Variants in ADAM10 observed in about 807,000 individuals in gnomAD.
ADAM10 encodes the protein ADAM metallopeptidase domain 10, also known as disintegrin and metalloproteinase domain-containing protein 10.
ADAM10 carries 17 observed loss-of-function variants against 90.1 expected under a neutral mutation model. The ratio of observed to expected loss-of-function variants is 0.19; its 90% CI spans 0.13 to 0.28. The LOEUF (loss-of-function observed/expected upper bound fraction) is 0.28. Among genes scored for constraint, ADAM10 ranks in the 10% least tolerant of loss-of-function variants. ADAM10 has a pLI of 1.00. For missense variants in ADAM10, 610 were observed against 914.3 expected (o/e 0.67, Z 4.29); for synonymous variants, 310 against 298.6 (o/e 1.04, Z -0.40).
In ADAM10 at chr15:58,591,300, G is replaced by C. The variant is rs1179100933; in HGVS notation, c.*6247C>G. 1 of 152,084 alleles carries C rather than the reference G, an allele frequency of 6.6e-6. No homozygotes were observed. The highest frequency in any genetic ancestry group is 2.4e-5 in the African/African-American group (1 of 41,396). The allele number at this position is 152,084 out of a possible 1,614,324, so 9.4% of individuals were successfully genotyped here. On this transcript the variant is annotated 3_prime_UTR_variant, in exon 16 of 16. Coordinates refer to ENST00000260408, the MANE Select transcript of ADAM10 (RefSeq NM_001110.4). ...GAATATAATTATGTTAGCTTGACTG[G>C]TTCAAGTTTAATTCCACTAAAACAA... is the stretch of plus-strand genomic sequence containing the variant.
intron 8 of ADAM10, among the ~76,000 whole-genome samples, chr15:58,634,767 T>G (rs1281385765): frequency 6.6e-6 from 1 of 152,208 alleles, no homozygotes; most frequent in African/African-American, 2.4e-5. Context: ...TTACGATAAC[T>G]GCTCTAATTA....
rs34718794 is a variant in ADAM10, at chr15:58,603,876, T to TAA, written c.2026-4154_2026-4153dup. Among the ~76,000 whole-genome samples the TAA allele has an allele frequency of 7.4e-3, 532 of 71,942 alleles. 8 individuals are homozygous for TAA. The highest frequency in any genetic ancestry group is 0.02 in the African/African-American group (366 of 18,720). The allele number at this position is 71,942 out of a possible 152,430, so 47.2% of individuals were successfully genotyped here. A position where few individuals can be genotyped will look rare whatever the true frequency, so the allele number is the denominator to read the frequency against. Reference sequence around the variant, plus strand: ...CCTAGAAAGATTGGGGGTCCAGGGTTAAAAAAAAAAAAAAAAAAAAAAAAG... The same window carrying TAA: ...CCTAGAAAGATTGGGGGTCCAGGGTTAAAAAAAAAAAAAAAAAAAAAAAAAAG... On this transcript the variant is annotated intron_variant, in intron 14 of 15. Coordinates refer to ENST00000260408, the MANE Select transcript of ADAM10 (RefSeq NM_001110.4).
intron 10 of ADAM10, among the ~76,000 whole-genome samples, chr15:58,624,516 AAAC>A (rs1895880544): frequency 6.6e-6 from 1 of 152,186 alleles, no homozygotes; most frequent in African/African-American, 2.4e-5. Flanking sequence ...CTAACAGTTT[AAAC>A]AACAATGAGG....
At position 58,730,848 on chromosome 15, in the gene ADAM10, C is replaced by T. The variant is rs182462115; in HGVS notation, c.56-13121G>A. ...AAGGTGGAGGAAAAGAAAATTCTCC[C>T]TCTCTTTCCCCTCGGGACATCAGGA... On this transcript the variant is annotated intron_variant, in intron 1 of 15. Coordinates refer to ENST00000260408, the MANE Select transcript of ADAM10 (RefSeq NM_001110.4). 3.1e-3 allele frequency among the ~76,000 whole-genome samples: 475 copies of T among 152,320 alleles called. 2 individuals are homozygous for T. Among genetic ancestry groups the T allele is most frequent in the African/African-American group, 0.011 (451 of 41,556 alleles).
At position 58,610,233 on chromosome 15, in the gene ADAM10, C is replaced by G. The variant is rs1595987913; in HGVS notation, c.2025+64G>C. 4 of 1,399,832 alleles carry G rather than the reference C, an allele frequency of 2.9e-6. No homozygotes were observed. The East Asian group carries it at 9.2e-5, about 32-fold the overall frequency. The allele number at this position is 1,399,832 out of a possible 1,614,324, so 86.7% of individuals were successfully genotyped here. ...TGTTTTCTCGTAACTTTGATGACTT[C>G]TGGCCAAGTAAAATTAAGATCAAAC... On this transcript the variant is annotated intron_variant, in intron 14 of 15. Coordinates refer to ENST00000260408, the MANE Select transcript of ADAM10 (RefSeq NM_001110.4).
chr15:58,657,744 T>G (rs1348284014), intron 5 of ADAM10, among the ~76,000 whole-genome samples: 7 of 152,188 alleles, frequency 4.6e-5, no homozygotes. Context: ...TCCTGGATGG[T>G]CTGGACGCTT....
At chr15:58,631,853 A>C (rs16940626) in intron 9 of ADAM10, among the ~76,000 whole-genome samples, 1,581 of 152,334 alleles carry the variant, frequency 0.01, 25 homozygotes, top group African/African-American at 0.036. Context: ...TACAGAGATT[A>C]AGCACATTTT....
chr15:58,738,448 G>A (rs1400974017), intron 1 of ADAM10, among the ~76,000 whole-genome samples: 3 of 152,154 alleles, frequency 2.0e-5, no homozygotes, highest in South Asian at 2.1e-4. Flanking sequence ...TCAAACTTAA[G>A]CCAGTACCTA....
intron 5 of ADAM10, among the ~76,000 whole-genome samples, chr15:58,652,374 G>A (rs1896711089): frequency 6.6e-6 from 1 of 152,140 alleles, no homozygotes; most frequent in Non-Finnish European, 1.5e-5. Context: ...TCACAGTGGA[G>A]CACTTAAATT....
At chr15:58,707,038 AAAAAGAAAAAG>A (rs1898317687) in intron 2 of ADAM10, among the ~76,000 whole-genome samples, 1 of 143,758 alleles carries the variant, frequency 7.0e-6, no homozygotes, top group South Asian at 2.2e-4. Context: ...AAGAAAAGAT[AAAAAGAAAAAG>A]AAAAGAAAAG....
chr15:58,666,808 A>G (rs1897092092), intron 4 of ADAM10, among the ~76,000 whole-genome samples: 1 of 152,156 alleles, frequency 6.6e-6, no homozygotes, highest in African/African-American at 2.4e-5. Flanking sequence ...CTTGAAACTT[A>G]GGGTAAAAAA....
chr15:58,634,946 T>C (rs1478610704), intron 8 of ADAM10, among the ~76,000 whole-genome samples: 1 of 152,144 alleles, frequency 6.6e-6, no homozygotes, highest in African/African-American at 2.4e-5. Flanking sequence ...AAGAACAGCA[T>C]TATACTACGA....
chr15:58,658,433 A>T (rs1896885227), intron 5 of ADAM10, among the ~76,000 whole-genome samples: 3 of 152,208 alleles, frequency 2.0e-5, no homozygotes, highest in Non-Finnish European at 4.4e-5. Context: ...AAATACTATT[A>T]AATCTTCCAT....
Position 58,681,976 on chromosome 15 carries a change from C to T in ADAM10, c.325+220G>A, listed in dbSNP as rs369566235. The stretch of plus-strand genomic sequence containing the variant: ...TAGAGGTACTGAGTCAAAATTTCAC[C>T]CCTTTCAGAAGCCAGATATTTCATA... On this transcript the variant is annotated intron_variant, in intron 3 of 15. Coordinates refer to ENST00000260408, the MANE Select transcript of ADAM10 (RefSeq NM_001110.4). 1.1e-4 allele frequency among the ~76,000 whole-genome samples: 16 copies of T among 152,098 alleles called. No homozygotes were observed. The East Asian group carries it at 3.1e-3, about 29-fold the overall frequency.
intron 5 of ADAM10, among the ~76,000 whole-genome samples, chr15:58,654,055 T>G (rs1323083237): frequency 6.6e-6 from 1 of 152,132 alleles, no homozygotes; most frequent in African/African-American, 2.4e-5. Context: ...ACTTGTGATG[T>G]CTCCTTTTTC....
chr15:58,686,236 A>G (rs768695260), intron 2 of ADAM10, among the ~76,000 whole-genome samples: 24 of 152,250 alleles, frequency 1.6e-4, no homozygotes, highest in Non-Finnish European at 2.8e-4. Context: ...AGACAGGGAT[A>G]CATCGAAGTT....
rs776163178 is a variant in ADAM10 at position 58,594,277 on chromosome 15, C to A, written c.*3270G>T. The A allele has an allele frequency of 5.3e-5, 8 of 152,144 alleles. No homozygotes were observed. Among genetic ancestry groups the A allele is most frequent in the Non-Finnish European group, 1.2e-4 (8 of 68,028 alleles). The allele number at this position is 152,144 out of a possible 1,614,324, so 9.4% of individuals were successfully genotyped here. A position where few individuals can be genotyped will look rare whatever the true frequency, so the allele number is the denominator to read the frequency against. ...GTTTGTAATGCTTGACACTCTGATA[C>A]CTTCAATTAGAAATACTTAATAAGA... is the stretch of plus-strand genomic sequence containing the variant. On this transcript the variant is annotated 3_prime_UTR_variant, in exon 16 of 16. Transcript: ENST00000260408.
At chr15:58,700,487 C>A (rs766932660) in intron 2 of ADAM10, among the ~76,000 whole-genome samples, 3 of 151,826 alleles carry the variant, frequency 2.0e-5, no homozygotes, top group Non-Finnish European at 4.4e-5. Flanking sequence ...GACAACTGAT[C>A]AAGAAAGAAA....
At chr15:58,602,726 A>G (rs1232507490) in intron 14 of ADAM10, among the ~76,000 whole-genome samples, 1 of 152,166 alleles carries the variant, frequency 6.6e-6, no homozygotes, top group Admixed American at 6.5e-5. Context: ...CTCAGATTAG[A>G]TCTCTATACA....
Sources: allele counts gnomAD v4.1 joint callset (sites outside exome capture counted in the v4.1 genomes callset), GRCh38; gene constraint gnomAD v4.1.1; transcripts MANE v1.5; gene names NCBI Gene and HGNC (gene_info 2026-07-23, HGNC 2026-07-21).